OR2L13: variants seen among roughly 807,000 people sequenced by gnomAD.
The protein encoded by OR2L13 is olfactory receptor family 2 subfamily L member 13, also known as olfactory receptor 2L13.
OR2L13 carries 14 observed loss-of-function variants against 15.3 expected under a neutral mutation model. The ratio of observed to expected loss-of-function variants is 0.91; its 90% confidence interval spans 0.60 to 1.43. The LOEUF (loss-of-function observed/expected upper bound fraction) is 1.43. Ranked by LOEUF, OR2L13 falls within the 40% of genes most tolerant of loss-of-function variation. The pLI is 0.00. For missense variants in OR2L13, 367 were observed against 387.9 expected (o/e 0.95, Z 0.45); for synonymous variants, 152 against 142.9 (o/e 1.06, Z -0.45).
chr1:248,022,082 T>G, the OR2L13 span: 9 of 1,613,850 alleles, frequency 5.6e-6, no homozygotes, highest in Non-Finnish European at 7.6e-6. Flanking sequence ...TATCCATGAT[T>G]CTTCTCATCT....
the OR2L13 span, among the ~76,000 whole-genome samples, chr1:247,987,355 C>CT: frequency 0.039 from 5,882 of 152,130 alleles, 350 homozygotes; most frequent in African/African-American, 0.13. Context: ...ATTAAGATAA[C>CT]TTTTTTTCTT....
chr1:248,002,425 G>C, the OR2L13 span, among the ~76,000 whole-genome samples: 1 of 118,668 alleles, frequency 8.4e-6, no homozygotes, highest in Non-Finnish European at 1.6e-5. Context: ...TTCCCTCTCT[G>C]TGAATTTCAC....
At chr1:248,076,310 G>A in the OR2L13 span, among the ~76,000 whole-genome samples, 311 of 152,232 alleles carry the variant, frequency 2.0e-3, 4 homozygotes, top group African/African-American at 6.6e-3. Flanking sequence ...TTTTTGCTTA[G>A]GATTGTCTTG....
chr1:248,077,717 C>G, the OR2L13 span, among the ~76,000 whole-genome samples: 17 of 152,136 alleles, frequency 1.1e-4, no homozygotes, highest in African/African-American at 3.9e-4. Context: ...AAATTAAAAA[C>G]TTCTGTTAAA....
chr1:248,056,888 A>G, the OR2L13 span, among the ~76,000 whole-genome samples: 17 of 151,630 alleles, frequency 1.1e-4, no homozygotes, highest in African/African-American at 3.9e-4. Flanking sequence ...GAGCTCAGGC[A>G]ATCTGCCCGC....
the OR2L13 span, among the ~76,000 whole-genome samples, chr1:247,977,599 A>T: frequency 0.039 from 5,897 of 152,268 alleles, 145 homozygotes; most frequent in African/African-American, 0.055. Context: ...CAAAAGCATA[A>T]ACTTTTAGTA....
chr1:248,075,743 CT>C, the OR2L13 span, among the ~76,000 whole-genome samples: 2 of 152,124 alleles, frequency 1.3e-5, no homozygotes, highest in Non-Finnish European at 2.9e-5. Context: ...TTTGTATATT[CT>C]GGATATTAGC....
the OR2L13 span, chr1:248,051,138 T>A: frequency 6.6e-6 from 1 of 152,154 alleles, no homozygotes; most frequent in Admixed American, 6.5e-5. Context: ...ACTAACACTT[T>A]GTTTTTGTTA....
the OR2L13 span, chr1:247,949,089 C>T: frequency 6.2e-7 from 1 of 1,613,930 alleles, no homozygotes; most frequent in Non-Finnish European, 8.5e-7. Flanking sequence ...CACCATTGTT[C>T]CTAAGATGGC....
chr1:248,031,959 G>A, the OR2L13 span, among the ~76,000 whole-genome samples: 4 of 151,958 alleles, frequency 2.6e-5, no homozygotes, highest in East Asian at 7.7e-4. Context: ...TGGAAAGTTT[G>A]TCATCGACTG....
the OR2L13 span, among the ~76,000 whole-genome samples, chr1:248,031,233 G>A: frequency 6.6e-6 from 1 of 152,098 alleles, no homozygotes; most frequent in African/African-American, 2.4e-5. Context: ...ATTAGGGACA[G>A]GGCTCTATTT....
chr1:247,993,808 A>G, the OR2L13 span, among the ~76,000 whole-genome samples: 3 of 130,436 alleles, frequency 2.3e-5, no homozygotes, highest in South Asian at 2.2e-4. Context: ...AGAGAGAGAG[A>G]GAGAAAGAAA....
At chr1:248,062,073 A>G in the OR2L13 span, 2 of 159,306 alleles carry the variant, frequency 1.3e-5, no homozygotes, top group South Asian at 1.8e-4. Flanking sequence ...TGTCTTTCTT[A>G]TCTTAGACAC....
the OR2L13 span, among the ~76,000 whole-genome samples, chr1:248,051,642 T>C: frequency 6.6e-6 from 1 of 152,116 alleles, no homozygotes; most frequent in African/African-American, 2.4e-5. Context: ...CTATGTTCAT[T>C]ATTTTAGTGA....
the OR2L13 span, among the ~76,000 whole-genome samples, chr1:247,997,624 T>C: frequency 6.6e-6 from 1 of 152,154 alleles, no homozygotes; most frequent in Non-Finnish European, 1.5e-5. Context: ...AATAACAACA[T>C]TCAAGCTATA....
upstream of OR2L13, among the ~76,000 whole-genome samples, chr1:248,095,475 T>C (rs1664710069): frequency 6.6e-6 from 1 of 152,068 alleles, no homozygotes; most frequent in African/African-American, 2.4e-5. Context: ...TTTGGTTTAA[T>C]GCAGAGCCTA....
the OR2L13 span, among the ~76,000 whole-genome samples, chr1:247,967,165 C>G: frequency 6.6e-6 from 1 of 152,114 alleles, no homozygotes; most frequent in African/African-American, 2.4e-5. Context: ...AGAAAATATT[C>G]TCTTAAGACA....
chr1:247,979,091 A>G, the OR2L13 span, among the ~76,000 whole-genome samples: 2 of 152,156 alleles, frequency 1.3e-5, no homozygotes, highest in Non-Finnish European at 2.9e-5. Context: ...TTCCTTCCTT[A>G]TTCAGCACAA....
chr1:247,984,924 A>G, the OR2L13 span, among the ~76,000 whole-genome samples: 1 of 151,896 alleles, frequency 6.6e-6, no homozygotes, highest in African/African-American at 2.4e-5. Context: ...CCAGCATTCG[A>G]CTTTCTGTCT....
Sources: gnomAD v4.1 joint callset for allele counts (sites outside exome capture counted in the v4.1 genomes callset) on GRCh38, gnomAD v4.1.1 for gene constraint, MANE v1.5 for transcripts, NCBI Gene and HGNC (gene_info 2026-07-23, HGNC 2026-07-21) for gene names.